The following NUP214 variants were observed in gnomAD, a reference collection of about 807,000 sequenced individuals.
NUP214 encodes nuclear pore complex protein Nup214.
In NUP214, 79 loss-of-function variants were observed where a neutral mutation model predicts 196.2. The observed-to-expected ratio is 0.40, with a 90% CI of 0.34 to 0.49. NUP214 has a LOEUF of 0.49. Ranked by LOEUF, NUP214 falls within the 20% of genes least tolerant of loss-of-function variation. The probability of loss-of-function intolerance (pLI) is 0.58; values close to 1 mark genes in which losing one functional copy is unlikely to be tolerated. For synonymous variants in NUP214, 1,020 were observed against 990.5 expected, an observed-to-expected ratio of 1.03 and a Z score of -0.56; for missense variants, 2,468 against 2,539.0, an observed-to-expected ratio of 0.97 and a Z score of 0.60.
At chr9:131,230,521 G>A (rs1332729976) in intron 33 of NUP214, 109 bp from the exon 34 acceptor site, 3 of 1,346,232 alleles carry the variant, frequency 2.2e-6, no homozygotes, top group South Asian at 2.6e-5. Flanking sequence ...TGTCACCCTG[G>A]ATCATGAGTG....
At chr9:131,182,774 C>T (rs1224644049) in intron 24 of NUP214, among the ~76,000 whole-genome samples, 1 of 152,048 alleles carries the variant, frequency 6.6e-6, no homozygotes, top group African/African-American at 2.4e-5. Context: ...CTATTTATCC[C>T]ATCTGTTTGT....
At chr9:131,228,396 C>A in intron 33 of NUP214, 65 bp downstream of exon 33, 2 of 1,472,850 alleles carry the variant, frequency 1.4e-6, no homozygotes, top group South Asian at 1.3e-5. Flanking sequence ...GGGGCCTGTA[C>A]TCTTGCTCTG....
chr9:131,150,617 T>C lies in NUP214; in HGVS notation c.2129T>C (p.Ile710Thr), dbSNP rs374190121. Residue 710 changes from isoleucine to threonine, a missense_variant and splice_region_variant, in exon 16 of 36, where the codon ATT (isoleucine) becomes ACT (threonine). By Grantham distance (89) the Ile-to-Thr change is moderately conservative. Around this residue, in one of 5 missense-constraint regions of NUP214, gnomAD observed 1,801 missense variants for 1,779.4 expected, o/e 1.01. Transcript: ENST00000359428. Reference protein sequence around the residue: ...DPVMAGIGEEIAHFQKELEEL... With the variant: ...DPVMAGIGEETAHFQKELEEL... ...GTTCCTCACTTGTGGCTTCTACAGA[T>C]TGCACACTTTCAGAAGGAGTTGGAA... 7 of 1,610,934 alleles carry C rather than the reference T, an allele frequency of 4.3e-6. No individual in the cohort carries two copies. The highest frequency in any genetic ancestry group is 1.3e-5 in the African/African-American group (1 of 74,694).
intron 17 of NUP214, among the ~76,000 whole-genome samples, chr9:131,157,286 A>G (rs1832481725): frequency 6.6e-6 from 1 of 151,468 alleles, no homozygotes; most frequent in African/African-American, 2.4e-5. Flanking sequence ...TCAGCCTCCT[A>G]AGTAGCTAGG....
chr9:131,220,808 G>C (rs1834536784), intron 31 of NUP214, among the ~76,000 whole-genome samples: 1 of 152,144 alleles, frequency 6.6e-6, no homozygotes, highest in Non-Finnish European at 1.5e-5. Flanking sequence ...GTTCCACTAT[G>C]ATATGCCATA....
chr9:131,232,435 G>C lies in NUP214; in HGVS notation c.6239+127G>C, dbSNP rs1328056290. 1.0e-6 allele frequency: 1 copy of C among 970,202 alleles called. No homozygotes were observed. Among genetic ancestry groups the C allele is most frequent in the Non-Finnish European group, 1.6e-6 (1 of 607,752 alleles). 60.1% of individuals were successfully genotyped at this position (970,202 alleles called of 1,614,324 possible). A position where few individuals can be genotyped will look rare whatever the true frequency, so the allele number is the denominator to read the frequency against. Reference sequence around the variant, plus strand: ...CCTGTTTTTAGAGTTTGTCCTGGAAGTGTGGGGGTTCAGCAGCAGGGTTTG... The same window carrying C: ...CCTGTTTTTAGAGTTTGTCCTGGAACTGTGGGGGTTCAGCAGCAGGGTTTG... On this transcript the variant is annotated intron_variant, in intron 35 of 35. Transcript: ENST00000359428. The surrounding 1 kb of genome is among the most constrained non-coding windows in gnomAD (Gnocchi z 5.1).
chr9:131,163,811 C>T (rs1360779385), intron 19 of NUP214, 59 bp from the exon 20 acceptor site: 28 of 1,290,118 alleles, frequency 2.2e-5, no homozygotes, highest in South Asian at 7.3e-5. Context: ...AGTGTACCCC[C>T]GACAGCCTCC....
At chr9:131,133,282 C>T in intron 7 of NUP214, 73 bp downstream of exon 7, 15 of 691,532 alleles carry the variant, frequency 2.2e-5, no homozygotes, top group South Asian at 1.6e-4. Flanking sequence ...GCTTTGATTT[C>T]AAGGGGTTTT....
intron 21 of NUP214, among the ~76,000 whole-genome samples, chr9:131,168,087 G>T (rs1189054378): frequency 2.0e-5 from 3 of 152,084 alleles, no homozygotes; most frequent in Non-Finnish European, 4.4e-5. Flanking sequence ...ACATGGTCTT[G>T]CTGTATTGCT....
chr9:131,226,927 C>T (rs1834740047), intron 32 of NUP214, among the ~76,000 whole-genome samples: 1 of 152,196 alleles, frequency 6.6e-6, no homozygotes, highest in East Asian at 1.9e-4. Flanking sequence ...TGGATTTCAT[C>T]CCTCTAACAA....
In NUP214 at chr9:131,125,713, C is replaced by T. The variant is rs1055901479; in HGVS notation, c.9C>T (p.Asp3=). The T allele has an allele frequency of 1.0e-5, 16 of 1,551,744 alleles. No individual in the cohort carries two copies. Among genetic ancestry groups the T allele is most frequent in the Non-Finnish European group, 1.3e-5 (15 of 1,147,260 alleles). The change falls in exon 1 of 36, where the codon GAC becomes GAT. Residue 3 remains aspartate (D), a synonymous_variant. Transcript: ENST00000359428. The surrounding 1 kb of genome is among the most constrained non-coding windows in gnomAD (Gnocchi z 4.1). The part of the protein sequence containing the change: MG[D]EMDAMIPERE... ...ACACTGAGGGCGGCGCGATGGGAGA[C>T]GAGATGGATGCCATGATTCCCGAGC...
At chr9:131,188,854 T>G (rs1833524480) in intron 25 of NUP214, among the ~76,000 whole-genome samples, 199 bp from the exon 26 acceptor site, 1 of 152,248 alleles carries the variant, frequency 6.6e-6, no homozygotes, top group Non-Finnish European at 1.5e-5. Flanking sequence ...TCTATTTTCA[T>G]CCTTTAATAT....
At chr9:131,217,336 G>T (rs957073541) in intron 31 of NUP214, among the ~76,000 whole-genome samples, 2 of 152,220 alleles carry the variant, frequency 1.3e-5, no homozygotes. Context: ...TGCCAGGAGG[G>T]ATTTAGAATC....
intron 8 of NUP214, chr9:131,135,332 A>C (rs1831690346): frequency 4.1e-6 from 1 of 246,046 alleles, no homozygotes; most frequent in South Asian, 1.2e-4. Context: ...GGCTTCCCAA[A>C]GTACTGAGAT....
intron 17 of NUP214, among the ~76,000 whole-genome samples, chr9:131,155,086 T>C (rs999948622): frequency 1.4e-4 from 22 of 152,368 alleles, no homozygotes; most frequent in African/African-American, 5.3e-4. Flanking sequence ...CTGTAGTGGT[T>C]GTACTAGTTT....
At chr9:131,138,833 C>T (rs994604711) in intron 9 of NUP214, among the ~76,000 whole-genome samples, 2 of 152,210 alleles carry the variant, frequency 1.3e-5, no homozygotes, top group Non-Finnish European at 2.9e-5. Flanking sequence ...ACCAGCCTTA[C>T]ATGCTTCTCT....
chr9:131,145,994 C>A, intron 12 of NUP214, 135 bp from the exon 13 acceptor site: 1 of 844,758 alleles, frequency 1.2e-6, no homozygotes, highest in Non-Finnish European at 1.8e-6. Flanking sequence ...TTTTTGTTTC[C>A]TGAAGGCAAA....
chr9:131,137,962 T>C (rs1831788623), intron 9 of NUP214, among the ~76,000 whole-genome samples: 1 of 152,194 alleles, frequency 6.6e-6, no homozygotes, highest in South Asian at 2.1e-4. Flanking sequence ...TAAAATTGCA[T>C]TCTGTCCTAC....
intron 21 of NUP214, among the ~76,000 whole-genome samples, chr9:131,166,173 C>G (rs1378651853): frequency 6.6e-6 from 1 of 152,118 alleles, no homozygotes; most frequent in Non-Finnish European, 1.5e-5. Context: ...AAATCTTAAC[C>G]TTTTCCTCTG....
Sources: allele counts gnomAD v4.1 joint callset (sites outside exome capture counted in the v4.1 genomes callset), GRCh38; gene constraint gnomAD v4.1.1; regional missense constraint gnomAD v4.1.1; non-coding constraint Gnocchi (gnomAD v3.1); transcripts MANE v1.5; gene names NCBI Gene and HGNC (gene_info 2026-07-23, HGNC 2026-07-21).